Variants in SOX6 observed in about 807,000 individuals in gnomAD.
SOX6 encodes the protein SRY-box transcription factor 6, also known as transcription factor SOX-6.
A neutral mutation model predicts 97.8 loss-of-function variants in SOX6; 11 were observed. The observed-to-expected ratio is 0.11, with a 90% CI of 0.07 to 0.19. The LOEUF is 0.19. SOX6 is among the 10% of genes least tolerant of loss of function. The pLI is 1.00. For synonymous variants in SOX6, 360 were observed against 371.4 expected (o/e 0.97, Z 0.35); for missense variants, 810 against 1,039.5 (o/e 0.78, Z 3.04).
chr11:16,087,610 A>G (rs1333464546), intron 9 of SOX6, among the ~76,000 whole-genome samples: 1 of 152,168 alleles, frequency 6.6e-6, no homozygotes, highest in Non-Finnish European at 1.5e-5. Flanking sequence ...AGTCTTAAAT[A>G]TCAAAGTGAA....
intron 3 of SOX6, among the ~76,000 whole-genome samples, chr11:16,246,687 G>T (rs1853345848): frequency 6.6e-6 from 1 of 151,814 alleles, no homozygotes; most frequent in South Asian, 2.1e-4. Context: ...ATTTTGATGT[G>T]CTTTGGTATA....
intron 13 of SOX6, among the ~76,000 whole-genome samples, chr11:15,990,907 G>A (rs953747597): frequency 6.6e-6 from 1 of 152,140 alleles, no homozygotes; most frequent in Admixed American, 6.5e-5. Flanking sequence ...TCTATTTTTA[G>A]ATACCTTGGT....
At chr11:16,090,279 T>C (rs1009583204) in intron 9 of SOX6, among the ~76,000 whole-genome samples, 4 of 152,056 alleles carry the variant, frequency 2.6e-5, no homozygotes, top group African/African-American at 9.7e-5. Context: ...ACCAATCAAA[T>C]AACTCAAACA....
intron 4 of SOX6, among the ~76,000 whole-genome samples, chr11:16,487,890 A>T (rs1860460267): frequency 2.0e-5 from 3 of 152,236 alleles, no homozygotes; most frequent in Admixed American, 2.0e-4. Context: ...CAAGTAACTT[A>T]GATGAGTTGA....
At chr11:16,183,716 A>G (rs1565004311) in intron 6 of SOX6, among the ~76,000 whole-genome samples, 170 bp downstream of exon 6, 1 of 152,058 alleles carries the variant, frequency 6.6e-6, no homozygotes, top group Non-Finnish European at 1.5e-5. Flanking sequence ...TTAGGCCACC[A>G]TCTAGTCCAT....
At chr11:16,028,623 T>C (rs1388992017) in intron 12 of SOX6, among the ~76,000 whole-genome samples, 1 of 152,194 alleles carries the variant, frequency 6.6e-6, no homozygotes, top group Non-Finnish European at 1.5e-5. Context: ...TCTCAAAAAA[T>C]GTGCTGATCA....
At chr11:16,120,218 TTC>T (rs751982083) in intron 6 of SOX6, among the ~76,000 whole-genome samples, 9 of 133,822 alleles carry the variant, frequency 6.7e-5, no homozygotes, top group Non-Finnish European at 8.0e-5. Context: ...GCTCTCTCTC[TTC>T]TCTCTCTCTC....
intron 2 of SOX6, among the ~76,000 whole-genome samples, chr11:16,724,065 G>A (rs1848286607): frequency 6.6e-6 from 1 of 152,238 alleles, no homozygotes; most frequent in East Asian, 1.9e-4. Flanking sequence ...TTAAATTACT[G>A]AATATAATAA....
At chr11:16,155,453 T>G (rs1407230921) in intron 6 of SOX6, among the ~76,000 whole-genome samples, 1 of 152,156 alleles carries the variant, frequency 6.6e-6, no homozygotes, top group Non-Finnish European at 1.5e-5. Flanking sequence ...TAACATACAG[T>G]AAACACTATA....
At chr11:16,033,148 C>T (rs1007426516) in intron 12 of SOX6, among the ~76,000 whole-genome samples, 11 of 152,196 alleles carry the variant, frequency 7.2e-5, no homozygotes, top group South Asian at 4.1e-4. Flanking sequence ...CTAACCCATA[C>T]ATCAAATGGT....
At chr11:16,224,087 A>G (rs1161921746) in intron 4 of SOX6, among the ~76,000 whole-genome samples, 1 of 152,064 alleles carries the variant, frequency 6.6e-6, no homozygotes, top group African/African-American at 2.4e-5. Flanking sequence ...AACAAAATCA[A>G]TAGAAATATT....
At chr11:16,490,834 C>A (rs534172542) in intron 4 of SOX6, among the ~76,000 whole-genome samples, 58 of 152,058 alleles carry the variant, frequency 3.8e-4, no homozygotes, top group African/African-American at 1.3e-3. Flanking sequence ...TAATTAATAT[C>A]ATCAACAAAT....
intron 4 of SOX6, among the ~76,000 whole-genome samples, chr11:16,188,017 C>T (rs1590011185): frequency 6.6e-6 from 1 of 152,024 alleles, no homozygotes; most frequent in African/African-American, 2.4e-5. Context: ...ATGAAACCCC[C>T]TCATTCCTAC....
intron 6 of SOX6, among the ~76,000 whole-genome samples, chr11:16,125,013 T>A (rs1179607542): frequency 6.6e-6 from 1 of 151,968 alleles, no homozygotes; most frequent in Non-Finnish European, 1.5e-5. Context: ...ATCTTGCAAG[T>A]AGAAGCTTAG....
chr11:16,221,468 G>A (rs1246634870), intron 4 of SOX6, among the ~76,000 whole-genome samples: 1 of 152,044 alleles, frequency 6.6e-6, no homozygotes, highest in Admixed American at 6.6e-5. Context: ...TATAACAGTT[G>A]TTTCAAGGAA....
chr11:16,416,477 T>C (rs1858928394), intron 1 of SOX6, among the ~76,000 whole-genome samples: 2 of 152,204 alleles, frequency 1.3e-5, no homozygotes, highest in Non-Finnish European at 2.9e-5. Flanking sequence ...GAATACTACC[T>C]GACAATTCTT....
At chr11:16,313,321 T>C (rs1255149818) in intron 3 of SOX6, 1 of 152,172 alleles carries the variant, frequency 6.6e-6, no homozygotes. Context: ...GTATTTAGTC[T>C]GATAAAGAGT....
chr11:16,261,212 A>G (rs1056733844), intron 3 of SOX6, among the ~76,000 whole-genome samples: 13 of 152,152 alleles, frequency 8.5e-5, no homozygotes, highest in African/African-American at 2.9e-4. Context: ...GCTCACTACT[A>G]TATCGTTATC....
intron 9 of SOX6, among the ~76,000 whole-genome samples, chr11:16,093,725 A>T (rs1315619267): frequency 1.3e-5 from 2 of 151,970 alleles, no homozygotes; most frequent in African/African-American, 4.8e-5. Flanking sequence ...GTTTCTTGAC[A>T]TAACTGTGAC....
Sources: gnomAD v4.1 joint callset for allele counts (sites outside exome capture counted in the v4.1 genomes callset) on GRCh38, gnomAD v4.1.1 for gene constraint, MANE v1.5 for transcripts, NCBI Gene and HGNC (gene_info 2026-07-23, HGNC 2026-07-21) for gene names.